ANO2: variants seen among roughly 807,000 people sequenced by gnomAD.
ANO2 encodes the protein anoctamin-2.
Under a neutral mutation model 124.2 loss-of-function variants are expected in ANO2, and 101 were observed. The ratio of observed to expected loss-of-function variants is 0.81; its 90% CI spans 0.69 to 0.96. ANO2 has a LOEUF of 0.96. ANO2 is among the 40% of genes least tolerant of loss of function. ANO2 has a pLI of 0.00. For missense variants in ANO2, 1,293 were observed against 1,274.5 expected (o/e 1.01, Z -0.22); for synonymous variants, 486 against 482.5 (o/e 1.01, Z -0.09).
intron 7 of ANO2, among the ~76,000 whole-genome samples, chr12:5,809,936 T>C (rs988564317): frequency 3.2e-4 from 48 of 152,244 alleles, no homozygotes; most frequent in African/African-American, 1.2e-3. Context: ...CTCACTGCTT[T>C]GTTGAGCATT....
intron 16 of ANO2, among the ~76,000 whole-genome samples, chr12:5,624,220 C>T (rs535458554): frequency 1.3e-5 from 2 of 150,916 alleles, no homozygotes; most frequent in Admixed American, 6.6e-5. Context: ...AAAAAAGGGA[C>T]CTAAACAGGA....
At chr12:5,698,672 C>T (rs901959439) in intron 14 of ANO2, among the ~76,000 whole-genome samples, 4 of 152,114 alleles carry the variant, frequency 2.6e-5, no homozygotes, top group East Asian at 1.9e-4. Context: ...TGTTCGAACC[C>T]GTCGCAAAGA....
chr12:5,757,875 A>G (rs1173554597), intron 10 of ANO2, among the ~76,000 whole-genome samples: 1 of 152,222 alleles, frequency 6.6e-6, no homozygotes, highest in Non-Finnish European at 1.5e-5. Context: ...AAAATTCAGA[A>G]AGATGAGTAT....
chr12:5,693,967 A>G (rs1243891994), intron 14 of ANO2, among the ~76,000 whole-genome samples: 2 of 152,088 alleles, frequency 1.3e-5, no homozygotes, highest in African/African-American at 4.8e-5. Context: ...GCTAGTGAAC[A>G]TATTATCTGG....
chr12:5,902,270 T>G (rs1485741213), intron 3 of ANO2, among the ~76,000 whole-genome samples: 1 of 152,030 alleles, frequency 6.6e-6, no homozygotes, highest in Non-Finnish European at 1.5e-5. Flanking sequence ...TAAATTTGGA[T>G]GTGAGATTTA....
rs149816053 is a variant in ANO2 at position 5,633,075 on chromosome 12, G to T, written c.1816+2077C>A. ...TCTACTCCTGGTGTTTCCTCCATGCGGTGGGAGTGTAATTAGTTGTAATGG... is the reference window on the plus strand; with the variant it reads ...TCTACTCCTGGTGTTTCCTCCATGCTGTGGGAGTGTAATTAGTTGTAATGG... On this transcript the variant is annotated intron_variant, in intron 16 of 24. Coordinates refer to ENST00000682330, the MANE Select transcript of ANO2 (RefSeq NM_001364791.2). 4.0e-3 allele frequency among the ~76,000 whole-genome samples: 603 copies of T among 152,312 alleles called. 6 individuals are homozygous for T. Among genetic ancestry groups the T allele is most frequent in the African/African-American group, 0.013 (555 of 41,562 alleles).
chr12:5,913,882 C>T (rs529715213), intron 3 of ANO2, among the ~76,000 whole-genome samples: 30 of 152,274 alleles, frequency 2.0e-4, no homozygotes, highest in Admixed American at 1.3e-3. Flanking sequence ...CGACCTCTTC[C>T]TGAAAAGGAG....
rs559427140 is a variant in ANO2 at position 5,635,452 on chromosome 12, T to C, written c.1621-105A>G. ...TTGCTGTTATCAGATATTATTAATCTGGAATCTTTTGTTGGGTAACAAGGG... is the reference window on the plus strand; with the variant it reads ...TTGCTGTTATCAGATATTATTAATCCGGAATCTTTTGTTGGGTAACAAGGG... On this transcript the variant is annotated intron_variant, in intron 15 of 24. Coordinates refer to ENST00000682330, the MANE Select transcript of ANO2 (RefSeq NM_001364791.2). This position sits in a 1 kb window ranked among gnomAD's most constrained non-coding sequence, Gnocchi z 5.2. 17 of 928,546 alleles carry C rather than the reference T, an allele frequency of 1.8e-5. No individual in the cohort carries two copies. In the Middle Eastern group the frequency reaches 9.9e-4, roughly 54 times the overall value. The allele number at this position is 928,546 out of a possible 1,614,324, so 57.5% of individuals were successfully genotyped here. A position where few individuals can be genotyped will look rare whatever the true frequency, so the allele number is the denominator to read the frequency against.
chr12:5,888,804 C>T (rs966589197), intron 3 of ANO2, among the ~76,000 whole-genome samples: 1 of 152,256 alleles, frequency 6.6e-6, no homozygotes, highest in African/African-American at 2.4e-5. Flanking sequence ...TCCAAGTCCC[C>T]ACCAGACTCA....
intron 19 of ANO2, among the ~76,000 whole-genome samples, chr12:5,612,276 T>C (rs11063777): frequency 0.15 from 22,239 of 152,168 alleles, 2,078 homozygotes; most frequent in East Asian, 0.44. Flanking sequence ...GTATAGATTG[T>C]CCTAAATGAT....
At chr12:5,828,148 C>T (rs1384172131) in intron 6 of ANO2, among the ~76,000 whole-genome samples, 1 of 152,184 alleles carries the variant, frequency 6.6e-6, no homozygotes, top group African/African-American at 2.4e-5. Flanking sequence ...CACATAGCCT[C>T]GGGAGGGCTG....
At chr12:5,760,896 T>A (rs1419274046) in intron 10 of ANO2, among the ~76,000 whole-genome samples, 2 of 152,150 alleles carry the variant, frequency 1.3e-5, no homozygotes, top group Non-Finnish European at 2.9e-5. Context: ...GCATACAGGT[T>A]ACTTGTGTAA....
intron 19 of ANO2, among the ~76,000 whole-genome samples, chr12:5,610,988 T>TGCTTTTTTTTTTG (rs1362790282): frequency 6.7e-6 from 1 of 149,602 alleles, no homozygotes; most frequent in African/African-American, 2.5e-5. Context: ...TTTTTTTTTT[T>TGCTTTTTTTTTTG]TGAGACAGAG....
intron 10 of ANO2, among the ~76,000 whole-genome samples, chr12:5,751,285 C>A (rs948275641): frequency 6.6e-6 from 1 of 152,192 alleles, no homozygotes; most frequent in Non-Finnish European, 1.5e-5. Flanking sequence ...ATTTTGGCAC[C>A]TTTACCAAAC....
At chr12:5,671,566 A>G (rs1443581771) in intron 14 of ANO2, among the ~76,000 whole-genome samples, 2 of 151,892 alleles carry the variant, frequency 1.3e-5, no homozygotes, top group Non-Finnish European at 2.9e-5. Context: ...GGGCAGGTTG[A>G]GCTGAGCACA....
intron 4 of ANO2, among the ~76,000 whole-genome samples, chr12:5,837,293 C>CTTTTT (rs10623130): frequency 1.0e-3 from 95 of 95,464 alleles, no homozygotes; most frequent in East Asian, 4.9e-3. Context: ...ATGCAGATTT[C>CTTTTT]TTTTTTTTTT....
chr12:5,816,527 T>G (rs971257519), intron 7 of ANO2, among the ~76,000 whole-genome samples: 1 of 152,138 alleles, frequency 6.6e-6, no homozygotes, highest in Non-Finnish European at 1.5e-5. Flanking sequence ...CTCTAAAGAC[T>G]CAGCCTAATT....
At chr12:5,582,346 C>T (rs1443842423) in intron 20 of ANO2, among the ~76,000 whole-genome samples, 1 of 152,194 alleles carries the variant, frequency 6.6e-6, no homozygotes, top group African/African-American at 2.4e-5. Flanking sequence ...CTCTTCTCAC[C>T]CTTCAGCAGC....
intron 14 of ANO2, among the ~76,000 whole-genome samples, chr12:5,728,779 C>T (rs60862876): frequency 0.013 from 2,039 of 152,264 alleles, 52 homozygotes; most frequent in African/African-American, 0.045. Context: ...GGTGGTACTA[C>T]ATAAGAACAG....
Sources: gnomAD v4.1 joint callset for allele counts (sites outside exome capture counted in the v4.1 genomes callset) on GRCh38, gnomAD v4.1.1 for gene constraint, Gnocchi (gnomAD v3.1) non-coding constraint, MANE v1.5 for transcripts, NCBI Gene and HGNC (gene_info 2026-07-23, HGNC 2026-07-21) for gene names.